Variants in PGPEP1L observed in about 807,000 individuals in gnomAD.
The protein encoded by PGPEP1L is pyroglutamyl-peptidase 1-like protein.
In PGPEP1L, 7 loss-of-function variants were observed where a neutral mutation model predicts 6.0. The observed-to-expected ratio is 1.17, with a 90% CI of 0.66 to 2.19. PGPEP1L has a LOEUF of 2.19. PGPEP1L is among the 30% of genes most tolerant of loss of function. The pLI, the probability that PGPEP1L is intolerant of heterozygous loss-of-function variation, is 0.00. For synonymous variants in PGPEP1L, 103 were observed against 83.9 expected, an observed-to-expected ratio of 1.23 and a Z score of -1.24; for missense variants, 209 against 192.5, an observed-to-expected ratio of 1.09 and a Z score of -0.51.
At chr15:98,984,515 G>C (rs904052095) in intron 2 of PGPEP1L, among the ~76,000 whole-genome samples, 1 of 152,136 alleles carries the variant, frequency 6.6e-6, no homozygotes, top group African/African-American at 2.4e-5. Context: ...AAGATGCCAT[G>C]TGCCCTTTTG....
chr15:98,972,730 G>C (rs2017515623), intron 2 of PGPEP1L, among the ~76,000 whole-genome samples: 1 of 151,892 alleles, frequency 6.6e-6, no homozygotes, highest in African/African-American at 2.4e-5. Flanking sequence ...AATTAGCAGG[G>C]CATGGTGGCA....
intron 2 of PGPEP1L, among the ~76,000 whole-genome samples, chr15:98,985,551 A>C (rs542961357): frequency 1.8e-4 from 28 of 152,280 alleles, no homozygotes; most frequent in African/African-American, 6.0e-4. Flanking sequence ...ACAAACAAAC[A>C]AACAACCAAA....
At chr15:98,982,174 G>A (rs923841026) in intron 2 of PGPEP1L, among the ~76,000 whole-genome samples, 2 of 152,228 alleles carry the variant, frequency 1.3e-5, no homozygotes, top group Non-Finnish European at 2.9e-5. Context: ...TGAAGCCACA[G>A]CAGACACCCT....
Position 98,969,582 on chromosome 15 carries a change from C to T in PGPEP1L, c.52G>A (p.Gly18Ser). Residue 18 changes from glycine to serine, a missense_variant, in exon 4 of 5, where the codon GGC (glycine) becomes AGC (serine). Physicochemically the swap from Gly to Ser is moderately conservative, Grantham distance 56. Coordinates refer to ENST00000535714, the MANE Select transcript of PGPEP1L (RefSeq NM_001167902.2). ...IILEQSGKNQ[G>S]YRDADIRSFW... ...CTGCGGATGTCGGCGTCCCGGTAGCCTTGGTTCTTGCCAGACTGTTCCAGA... is the reference window on the plus strand; with the variant it reads ...CTGCGGATGTCGGCGTCCCGGTAGCTTTGGTTCTTGCCAGACTGTTCCAGA... 1 of 1,613,854 alleles carries T rather than the reference C, an allele frequency of 6.2e-7. No individual in the cohort carries two copies. The highest frequency in any genetic ancestry group is 2.2e-5 in the East Asian group (1 of 44,892).
At chr15:98,983,986 T>G (rs956946544) in intron 2 of PGPEP1L, among the ~76,000 whole-genome samples, 4 of 151,400 alleles carry the variant, frequency 2.6e-5, no homozygotes, top group African/African-American at 9.7e-5. Flanking sequence ...CCATTTATAA[T>G]GCCTGGCAGT....
Position 98,968,441 on chromosome 15 carries a change from G to A in PGPEP1L, c.*37C>T, listed in dbSNP as rs1248986898. ...ACAGTTGAGTGCTACATACAGGATT[G>A]AAACATTCAATTTTCTCTAGAGGAG... is the stretch of plus-strand genomic sequence containing the variant. On this transcript the variant is annotated 3_prime_UTR_variant, in exon 5 of 5. Transcript: ENST00000535714. The A allele has an allele frequency of 1.3e-6, 2 of 1,585,248 alleles. No individual in the cohort carries two copies. The highest frequency in any genetic ancestry group is 1.3e-5 in the African/African-American group (1 of 74,514).
intron 2 of PGPEP1L, among the ~76,000 whole-genome samples, chr15:98,985,171 G>A (rs2017729547): frequency 6.6e-6 from 1 of 152,172 alleles, no homozygotes; most frequent in Non-Finnish European, 1.5e-5. Flanking sequence ...TAGGGCTGAG[G>A]CATTAGGGTG....
intron 2 of PGPEP1L, among the ~76,000 whole-genome samples, chr15:98,986,288 C>A (rs1278105243): frequency 6.6e-6 from 1 of 152,210 alleles, no homozygotes; most frequent in East Asian, 1.9e-4. Flanking sequence ...AAAAAACAAT[C>A]AAGTGATCAG....
At chr15:98,994,688 C>G (rs1759447854) in intron 2 of PGPEP1L, among the ~76,000 whole-genome samples, 1 of 152,218 alleles carries the variant, frequency 6.6e-6, no homozygotes, top group African/African-American at 2.4e-5. Context: ...GCATTTCACA[C>G]TGTCTTTCTC....
chr15:98,984,717 T>C (rs956526305), intron 2 of PGPEP1L, among the ~76,000 whole-genome samples: 2 of 151,848 alleles, frequency 1.3e-5, no homozygotes, highest in Middle Eastern at 3.4e-3. Context: ...CCTACAGACA[T>C]GTTAGTGGAG....
chr15:98,997,120 AG>A (rs2017899016), intron 2 of PGPEP1L, among the ~76,000 whole-genome samples: 1 of 152,184 alleles, frequency 6.6e-6, no homozygotes, highest in African/African-American at 2.4e-5. Context: ...TTGGCAAAAA[AG>A]GTCCTGTGTT....
At chr15:98,975,611 T>C (rs2017556755) in intron 2 of PGPEP1L, among the ~76,000 whole-genome samples, 1 of 152,192 alleles carries the variant, frequency 6.6e-6, no homozygotes, top group African/African-American at 2.4e-5. Flanking sequence ...CTGGGCATGG[T>C]CGCTCACGCC....
intron 2 of PGPEP1L, among the ~76,000 whole-genome samples, chr15:99,000,613 C>T (rs1415122733): frequency 1.3e-5 from 2 of 152,168 alleles, no homozygotes; most frequent in Non-Finnish European, 2.9e-5. Flanking sequence ...CCAATCGACG[C>T]TCTGTATCTA....
At chr15:98,992,636 C>A (rs1555472172) in intron 2 of PGPEP1L, among the ~76,000 whole-genome samples, 1 of 152,152 alleles carries the variant, frequency 6.6e-6, no homozygotes, top group Non-Finnish European at 1.5e-5. Context: ...CCTGCATAGC[C>A]AAGACAATCC....
chr15:98,995,027 A>C (rs958652881), intron 2 of PGPEP1L, among the ~76,000 whole-genome samples: 1 of 151,496 alleles, frequency 6.6e-6, no homozygotes, highest in Non-Finnish European at 1.5e-5. Context: ...ATCCGTGTGG[A>C]TCTTGTTTGT....
intron 2 of PGPEP1L, among the ~76,000 whole-genome samples, chr15:98,976,814 GATA>G (rs1567235740): frequency 1.3e-5 from 2 of 152,126 alleles, no homozygotes; most frequent in Non-Finnish European, 2.9e-5. Flanking sequence ...TTTTAGTGGA[GATA>G]ATACATTTTT....
intron 2 of PGPEP1L, among the ~76,000 whole-genome samples, chr15:98,993,535 G>C (rs187488320): frequency 1.3e-5 from 2 of 151,698 alleles, no homozygotes; most frequent in East Asian, 3.9e-4. Context: ...ACAGTGTAGC[G>C]ATTCCTCAAG....
chr15:98,982,354 T>C (rs2017676971), intron 2 of PGPEP1L, among the ~76,000 whole-genome samples: 1 of 152,238 alleles, frequency 6.6e-6, no homozygotes, highest in African/African-American at 2.4e-5. Context: ...TTGTGGATTC[T>C]TGTGGATTCT....
chr15:98,982,209 C>T (rs1292533224), intron 2 of PGPEP1L, among the ~76,000 whole-genome samples: 1 of 152,184 alleles, frequency 6.6e-6, no homozygotes, highest in Non-Finnish European at 1.5e-5. Flanking sequence ...CGTGGGGTCT[C>T]CTCCACCAAG....
Sources: allele counts gnomAD v4.1 joint callset (sites outside exome capture counted in the v4.1 genomes callset), GRCh38; gene constraint gnomAD v4.1.1; transcripts MANE v1.5; gene names NCBI Gene and HGNC (gene_info 2026-07-23, HGNC 2026-07-21).